Variants in BCAS1 observed in about 807,000 individuals in gnomAD.
BCAS1 encodes breast carcinoma-amplified sequence 1.
A neutral mutation model predicts 65.4 loss-of-function variants in BCAS1; 46 were observed. The ratio of observed to expected loss-of-function variants is 0.70; its 90% CI spans 0.55 to 0.90. The LOEUF (loss-of-function observed/expected upper bound fraction) is 0.90. BCAS1 is among the 40% of genes least tolerant of loss of function. The probability of loss-of-function intolerance (pLI) is 0.00; values close to 1 mark genes in which losing one functional copy is unlikely to be tolerated. For missense variants in BCAS1, 793 were observed against 771.2 expected (o/e 1.03, Z -0.33); for synonymous variants, 298 against 293.5 (o/e 1.02, Z -0.16).
At chr20:53,996,819 C>T (rs561828873) in intron 4 of BCAS1, among the ~76,000 whole-genome samples, 2 of 152,312 alleles carry the variant, frequency 1.3e-5, no homozygotes, top group East Asian at 1.9e-4. Context: ...GAGTCAAGCC[C>T]AAACTCTGAT....
chr20:53,945,718 T>G (rs1200978459), intron 12 of BCAS1, among the ~76,000 whole-genome samples: 1 of 152,242 alleles, frequency 6.6e-6, no homozygotes, highest in African/African-American at 2.4e-5. Flanking sequence ...ACATGGTACC[T>G]AGCCTTAACA....
At chr20:54,023,560 T>C (rs1433785863) in intron 4 of BCAS1, among the ~76,000 whole-genome samples, 1 of 152,118 alleles carries the variant, frequency 6.6e-6, no homozygotes, top group Non-Finnish European at 1.5e-5. Flanking sequence ...GCACTGAATA[T>C]CAAGTCAATT....
At chr20:53,951,224 G>A (rs977194597) in intron 12 of BCAS1, among the ~76,000 whole-genome samples, 2 of 152,174 alleles carry the variant, frequency 1.3e-5, no homozygotes, top group African/African-American at 4.8e-5. Context: ...TGTAATCCCA[G>A]CACTTTGGGA....
intron 4 of BCAS1, among the ~76,000 whole-genome samples, chr20:53,997,374 C>T (rs1461486283): frequency 6.6e-6 from 1 of 152,216 alleles, no homozygotes; most frequent in Non-Finnish European, 1.5e-5. Context: ...CAAAGTAGTA[C>T]AGAAACTTCC....
chr20:54,045,215 A>AC (rs2092079667), intron 3 of BCAS1, among the ~76,000 whole-genome samples: 3 of 110,734 alleles, frequency 2.7e-5, no homozygotes, highest in African/African-American at 4.7e-5. Flanking sequence ...CATCTCAAAA[A>AC]AAAAAAAAAA....
At chr20:54,069,105 G>T (rs778890255) in intron 1 of BCAS1, among the ~76,000 whole-genome samples, 1 of 152,094 alleles carries the variant, frequency 6.6e-6, no homozygotes, top group Non-Finnish European at 1.5e-5. Flanking sequence ...AACTACTTTA[G>T]CATGCCCCGC....
At chr20:54,021,936 T>C (rs1395071134) in intron 4 of BCAS1, among the ~76,000 whole-genome samples, 1 of 152,118 alleles carries the variant, frequency 6.6e-6, no homozygotes, top group East Asian at 1.9e-4. Context: ...ACTTTATCTC[T>C]AAAAAATGCT....
intron 3 of BCAS1, 45 bp downstream of exon 3, chr20:54,058,040 C>A (rs1244216437): frequency 7.7e-6 from 11 of 1,432,392 alleles, no homozygotes; most frequent in Non-Finnish European, 1.1e-5. Context: ...TGCAGACCCC[C>A]CTTCCCCACG....
At chr20:54,037,558 T>C (rs1055115641) in intron 3 of BCAS1, among the ~76,000 whole-genome samples, 1 of 151,590 alleles carries the variant, frequency 6.6e-6, no homozygotes, top group African/African-American at 2.4e-5. Flanking sequence ...TTTATTTATG[T>C]ATGACATTTG....
chr20:54,048,645 T>A (rs749938313), intron 3 of BCAS1, among the ~76,000 whole-genome samples: 1 of 152,232 alleles, frequency 6.6e-6, no homozygotes, highest in Admixed American at 6.5e-5. Flanking sequence ...GGTGTTTTGA[T>A]GAGGCTGTCA....
intron 4 of BCAS1, 128 bp from the exon 5 acceptor site, chr20:53,996,178 C>A: frequency 4.4e-6 from 4 of 905,726 alleles, no homozygotes; most frequent in Non-Finnish European, 6.5e-6. Context: ...CACAGGCGTG[C>A]AGAACAATCA....
intron 10 of BCAS1, among the ~76,000 whole-genome samples, chr20:53,960,825 T>C (rs1670743538): frequency 6.6e-6 from 1 of 152,148 alleles, no homozygotes; most frequent in African/African-American, 2.4e-5. Context: ...ACCATAAACA[T>C]AGAAACTTAT....
At chr20:54,054,814 G>A (rs760565405) in intron 3 of BCAS1, among the ~76,000 whole-genome samples, 6 of 152,112 alleles carry the variant, frequency 3.9e-5, no homozygotes, top group East Asian at 1.9e-4. Flanking sequence ...GTTGTCCTAC[G>A]TTTCAAGAGA....
chr20:53,963,136 C>T (rs569775198), intron 10 of BCAS1, among the ~76,000 whole-genome samples: 1 of 151,788 alleles, frequency 6.6e-6, no homozygotes, highest in South Asian at 2.1e-4. Context: ...AGGCGTGAGC[C>T]ACCGCGCCTG....
At chr20:54,069,075 C>T (rs2092481296) in intron 1 of BCAS1, among the ~76,000 whole-genome samples, 1 of 152,274 alleles carries the variant, frequency 6.6e-6, no homozygotes, top group East Asian at 1.9e-4. Context: ...GTTTGTTCCC[C>T]CACCCTCACT....
chr20:53,976,878 C>T (rs2145712352), intron 8 of BCAS1, among the ~76,000 whole-genome samples: 1 of 152,278 alleles, frequency 6.6e-6, no homozygotes, highest in Non-Finnish European at 1.5e-5. Context: ...CTGAAAGCTT[C>T]TGATTATCAG....
intron 3 of BCAS1, among the ~76,000 whole-genome samples, chr20:54,047,128 C>G (rs371323371): frequency 6.6e-6 from 1 of 152,220 alleles, no homozygotes; most frequent in South Asian, 2.1e-4. Flanking sequence ...GGGTACCTCT[C>G]TCTTGCCTCA....
chr20:53,996,339 C>T (rs532771772), intron 4 of BCAS1, among the ~76,000 whole-genome samples: 1 of 151,992 alleles, frequency 6.6e-6, no homozygotes, highest in South Asian at 2.1e-4. Flanking sequence ...TCTTCCAATT[C>T]TGCAAAGAAG....
intron 3 of BCAS1, among the ~76,000 whole-genome samples, chr20:54,048,472 A>G (rs1369702073): frequency 2.0e-5 from 3 of 152,160 alleles, no homozygotes; most frequent in Non-Finnish European, 2.9e-5. Context: ...CAGAGGCTTC[A>G]GGGAAGGATC....
Sources: gnomAD v4.1 joint callset for allele counts (sites outside exome capture counted in the v4.1 genomes callset) on GRCh38, gnomAD v4.1.1 for gene constraint, MANE v1.5 for transcripts, NCBI Gene and HGNC (gene_info 2026-07-23, HGNC 2026-07-21) for gene names.